The following SEPSECS variants were observed in gnomAD, a reference collection of about 807,000 sequenced individuals.
SEPSECS encodes Sep (O-phosphoserine) tRNA:Sec (selenocysteine) tRNA synthase.
A neutral mutation model predicts 52.1 loss-of-function variants in SEPSECS; 42 were observed. The ratio of observed to expected loss-of-function variants is 0.81; its 90% CI spans 0.63 to 1.04. The LOEUF (loss-of-function observed/expected upper bound fraction) is 1.04, where lower values mean the gene tolerates loss of function less well. Ranked by LOEUF, SEPSECS falls within the 50% of genes least tolerant of loss-of-function variation. The pLI, the probability that SEPSECS is intolerant of heterozygous loss-of-function variation, is 0.00. For synonymous variants in SEPSECS, 216 were observed against 211.4 expected (o/e 1.02, Z -0.19); for missense variants, 590 against 610.6 (o/e 0.97, Z 0.36).
At chr4:25,160,179 C>T in intron 1 of SEPSECS, 77 bp downstream of exon 1, 4 of 1,537,640 alleles carry the variant, frequency 2.6e-6, no homozygotes, top group Non-Finnish European at 2.6e-6. Context: ...GCCGGTGAGG[C>T]AGCACCAGCG....
intron 6 of SEPSECS, among the ~76,000 whole-genome samples, chr4:25,147,412 T>G (rs1712028951): frequency 6.6e-6 from 1 of 152,246 alleles, no homozygotes; most frequent in African/African-American, 2.4e-5. Context: ...AGAAAGTATT[T>G]GTTGAATGAA....
rs569305247 is a variant in SEPSECS, at chr4:25,124,005, C to T, written c.1432G>A (p.Asp478Asn). The part of the protein sequence containing the change: ...ESDDNYDKTE[D>N]VDIEEMALKL... Reference sequence around the variant, plus strand: ...AAAGCCATTTCTTCAATATCCACATCTTCAGTTTTGTCATAATTGTCATCA... The same window carrying T: ...AAAGCCATTTCTTCAATATCCACATTTTCAGTTTTGTCATAATTGTCATCA... Residue 478 changes from aspartate (D) to asparagine (N), a missense_variant, in exon 11 of 11, where the codon GAT (aspartate) becomes AAT (asparagine). Physicochemically the swap from Asp to Asn is conservative, Grantham distance 23. Coordinates refer to ENST00000382103, the MANE Select transcript of SEPSECS (RefSeq NM_016955.4). 2.5e-6 allele frequency: 4 copies of T among 1,613,498 alleles called. No individual in the cohort carries two copies. The African/African-American group carries it at 4.0e-5, about 16-fold the overall frequency.
At position 25,124,138 on chromosome 4, in the gene SEPSECS, G is replaced by A; in HGVS notation, c.1299C>T (p.Tyr433=). 6.2e-7 allele frequency: 1 copy of A among 1,613,632 alleles called. No individual in the cohort carries two copies. Among genetic ancestry groups the A allele is most frequent in the Non-Finnish European group, 8.5e-7 (1 of 1,179,740 alleles). Residue 433 remains tyrosine (Y), a synonymous_variant, in exon 11 of 11, where the codon TAC becomes TAT. Coordinates refer to ENST00000382103, the MANE Select transcript of SEPSECS (RefSeq NM_016955.4). ...MSHTNNYPCA[Y]LNAASAIGMK... is the part of the protein sequence containing the mutation. ...TTCCGATGGCTGATGCAGCATTGAG[G>A]TAAGCACAAGGGTAATTATTTGTAT...
intron 1 of SEPSECS, chr4:25,159,488 C>T: frequency 2.8e-6 from 1 of 353,340 alleles, no homozygotes; most frequent in Non-Finnish European, 5.6e-6. Flanking sequence ...GAAATTTTGG[C>T]CACGCGCTGT....
intron 8 of SEPSECS, among the ~76,000 whole-genome samples, chr4:25,136,680 C>T (rs1395957697): frequency 6.6e-6 from 1 of 152,008 alleles, no homozygotes; most frequent in Non-Finnish European, 1.5e-5. Context: ...ATCAAACTAC[C>T]GTTGACATTC....
intron 8 of SEPSECS, among the ~76,000 whole-genome samples, chr4:25,135,280 G>A (rs941225812): frequency 6.6e-6 from 1 of 151,204 alleles, no homozygotes; most frequent in Non-Finnish European, 1.5e-5. Flanking sequence ...ATCCAGGAGT[G>A]GGTTTTTTTA....
chr4:25,134,354 A>T (rs968649045), intron 8 of SEPSECS, among the ~76,000 whole-genome samples: 1 of 115,176 alleles, frequency 8.7e-6, no homozygotes, highest in Non-Finnish European at 1.9e-5. Context: ...GTGTGTGTGT[A>T]TAAAATTTGC....
At chr4:25,158,407 AT>A (rs1712820149) in intron 2 of SEPSECS, among the ~76,000 whole-genome samples, 1 of 152,186 alleles carries the variant, frequency 6.6e-6, no homozygotes, top group South Asian at 2.1e-4. Flanking sequence ...TACCAATTAA[AT>A]CGTTATCAGA....
intron 8 of SEPSECS, among the ~76,000 whole-genome samples, chr4:25,130,057 GA>G (rs1728550742): frequency 6.6e-6 from 1 of 152,120 alleles, no homozygotes. Flanking sequence ...GCCTTTTACA[GA>G]GCCCTACCTC....
chr4:25,160,493 C>CAAAAA, upstream of SEPSECS: 2 of 708,556 alleles, frequency 2.8e-6, no homozygotes, highest in Non-Finnish European at 2.4e-6. Flanking sequence ...AAAAACAAAA[C>CAAAAA]AAAACAAAAC....
intron 8 of SEPSECS, among the ~76,000 whole-genome samples, chr4:25,142,106 G>A (rs1395882663): frequency 2.6e-5 from 4 of 152,098 alleles, no homozygotes; most frequent in Non-Finnish European, 4.4e-5. Context: ...GCAAAACCCC[G>A]TCTCTACTAA....
chr4:25,144,968 T>A, intron 7 of SEPSECS, 36 bp downstream of exon 7: 1 of 1,612,926 alleles, frequency 6.2e-7, no homozygotes, highest in Non-Finnish European at 8.5e-7. Flanking sequence ...TTTTGTTTGT[T>A]AGCTACTTTT....
At chr4:25,146,328 G>C (rs763373818) in intron 6 of SEPSECS, among the ~76,000 whole-genome samples, 1 of 152,230 alleles carries the variant, frequency 6.6e-6, no homozygotes, top group Admixed American at 6.5e-5. Context: ...GCAGGGAAGA[G>C]GAGCAGCTGC....
In SEPSECS at chr4:25,155,015, A is replaced by C. The variant is rs142284078; in HGVS notation, c.684T>G (p.Ala228=). 16 of 1,614,050 alleles carry C rather than the reference A, an allele frequency of 9.9e-6. No homozygotes were observed. Among genetic ancestry groups the C allele is most frequent in the Non-Finnish European group, 1.4e-5 (16 of 1,180,004 alleles). ...TCATTTACCTATCAGGCACCCTTGGAGCAAAACAGGATGTAGTAGAATGAA... is the reference window on the plus strand; with the variant it reads ...TCATTTACCTATCAGGCACCCTTGGCGCAAAACAGGATGTAGTAGAATGAA... The part of the protein sequence containing the change: ...LCIHSTTSCF[A]PRVPDRLEEL... The change falls in exon 5 of 11, where the codon GCT becomes GCG. Residue 228 remains alanine, a synonymous_variant. Transcript: ENST00000382103.
chr4:25,136,681 G>A (rs186633496), intron 8 of SEPSECS, among the ~76,000 whole-genome samples: 46 of 151,916 alleles, frequency 3.0e-4, no homozygotes, highest in Admixed American at 2.6e-3. Flanking sequence ...TCAAACTACC[G>A]TTGACATTCT....
At chr4:25,139,085 G>GGGGTA (rs1728954581) in intron 8 of SEPSECS, among the ~76,000 whole-genome samples, 1 of 152,110 alleles carries the variant, frequency 6.6e-6, no homozygotes, top group Non-Finnish European at 1.5e-5. Flanking sequence ...TTCCAGATCT[G>GGGGTA]GGGTAGGTGT....
intron 2 of SEPSECS, among the ~76,000 whole-genome samples, chr4:25,157,767 G>T (rs1368561404): frequency 6.6e-6 from 1 of 151,954 alleles, no homozygotes; most frequent in Admixed American, 6.6e-5. Flanking sequence ...GGATGGTGTG[G>T]ATCTCCTGAC....
chr4:25,132,261 G>T (rs953208120), intron 8 of SEPSECS, among the ~76,000 whole-genome samples: 1 of 152,114 alleles, frequency 6.6e-6, no homozygotes, highest in African/African-American at 2.4e-5. Context: ...TAAGGGCATA[G>T]AATGAAAAAA....
chr4:25,156,703 G>A (rs186708163), intron 3 of SEPSECS, among the ~76,000 whole-genome samples, 153 bp downstream of exon 3: 25 of 64,724 alleles, frequency 3.9e-4, no homozygotes, highest in African/African-American at 1.5e-3. Context: ...GCTAGACTCC[G>A]TCTCAAAAAA....
Sources: allele counts gnomAD v4.1 joint callset (sites outside exome capture counted in the v4.1 genomes callset), GRCh38; gene constraint gnomAD v4.1.1; transcripts MANE v1.5; gene names NCBI Gene and HGNC (gene_info 2026-07-23, HGNC 2026-07-21).